AR: variants seen among roughly 807,000 people sequenced by gnomAD.
AR encodes the protein androgen receptor.
In AR, 8 loss-of-function variants were observed where a neutral mutation model predicts 53.9. The observed-to-expected ratio is 0.15, with a 90% confidence interval of 0.09 to 0.27. The LOEUF (loss-of-function observed/expected upper bound fraction) is 0.27. Among genes scored for constraint, AR ranks in the 10% least tolerant of loss-of-function variants. AR has a pLI of 1.00. For synonymous variants in AR, 359 were observed against 316.4 expected, an observed-to-expected ratio of 1.13 and a Z score of -1.43; for missense variants, 639 against 742.5, an observed-to-expected ratio of 0.86 and a Z score of 1.62.
chrX:67,589,054 G>A (rs550548645), intron 1 of AR, among the ~76,000 whole-genome samples: 14 of 112,608 alleles, frequency 1.2e-4, no homozygotes, highest in African/African-American at 4.5e-4. Context: ...GGCACATACA[G>A]CAAGTCTTCA....
intron 1 of AR, among the ~76,000 whole-genome samples, chrX:67,593,345 CTTTTCTTTTTTTTT>C (rs966812548): frequency 1.2e-4 from 13 of 107,970 alleles, no homozygotes; most frequent in African/African-American, 3.3e-4. Context: ...AATAAGTTTT[CTTTTCTTTTTTTTT>C]TTTTCTTTTT....
intron 1 of AR, among the ~76,000 whole-genome samples, chrX:67,635,225 A>ATG (rs771740650): frequency 2.9e-3 from 321 of 111,521 alleles, no homozygotes; most frequent in African/African-American, 9.9e-3. Context: ...GGGCTTTTAC[A>ATG]TGTTATTTAA....
intron 3 of AR, among the ~76,000 whole-genome samples, chrX:67,689,926 G>A (rs1362830909): frequency 1.8e-5 from 2 of 111,583 alleles, no homozygotes; most frequent in African/African-American, 6.5e-5. Flanking sequence ...ATAAAGAAGT[G>A]CCCTTCCTGC....
intron 3 of AR, among the ~76,000 whole-genome samples, chrX:67,708,376 G>T (rs747358572): frequency 1.8e-5 from 2 of 110,627 alleles, no homozygotes; most frequent in African/African-American, 6.6e-5. Context: ...TTCTCTTCTC[G>T]CTTCATTTCA....
intron 1 of AR, among the ~76,000 whole-genome samples, chrX:67,563,713 C>T (rs1409993255): frequency 1.8e-5 from 2 of 112,008 alleles, no homozygotes; most frequent in Non-Finnish European, 3.8e-5. Context: ...AGTTACTTCC[C>T]TCAGCCCAGC....
At chrX:67,562,025 C>T (rs1602156630) in intron 1 of AR, among the ~76,000 whole-genome samples, 3 of 101,723 alleles carry the variant, frequency 2.9e-5, no homozygotes, top group Admixed American at 1.1e-4. Flanking sequence ...ACTGCAACCT[C>T]GCCTCCCGGG....
At chrX:67,687,343 A>G (rs1444615726) in intron 3 of AR, among the ~76,000 whole-genome samples, 2 of 112,128 alleles carry the variant, frequency 1.8e-5, no homozygotes, top group Admixed American at 1.9e-4. Context: ...AGTATTATTT[A>G]AACAGAACAA....
chrX:67,615,303 C>T (rs1924068292), intron 1 of AR, among the ~76,000 whole-genome samples: 1 of 110,293 alleles, frequency 9.1e-6, no homozygotes, highest in South Asian at 3.8e-4. Flanking sequence ...ATATTGGAGT[C>T]AAATATAAAG....
chrX:67,576,562 G>A (rs1327569936), intron 1 of AR, among the ~76,000 whole-genome samples: 2 of 111,253 alleles, frequency 1.8e-5, no homozygotes, highest in African/African-American at 6.5e-5. Context: ...AGCACAGAAA[G>A]GAAGAAAGAC....
chrX:67,546,881 C>A, intron 1 of AR, 119 bp downstream of exon 1: 1 of 839,112 alleles, frequency 1.2e-6, no homozygotes, highest in Non-Finnish European at 1.7e-6. Flanking sequence ...GAGAGCTCAG[C>A]AGGGTAAACC....
intron 2 of AR, among the ~76,000 whole-genome samples, chrX:67,659,287 T>C (rs1193008555): frequency 9.0e-6 from 1 of 110,525 alleles, no homozygotes; most frequent in Non-Finnish European, 1.9e-5. Context: ...TACATATGTA[T>C]ACATGTGCCA....
chrX:67,572,828 G>A (rs1014554347), intron 1 of AR, among the ~76,000 whole-genome samples: 1 of 111,784 alleles, frequency 8.9e-6, no homozygotes, highest in Non-Finnish European at 1.9e-5. Context: ...ACATATACAA[G>A]TCAGCATTTT....
chrX:67,576,610 C>T (rs745820482), intron 1 of AR, among the ~76,000 whole-genome samples: 14 of 111,213 alleles, frequency 1.3e-4, no homozygotes, highest in African/African-American at 4.6e-4. Flanking sequence ...CACTTATCCA[C>T]GTTTGGATAC....
At chrX:67,686,897 A>T (rs1169157167) in intron 3 of AR, among the ~76,000 whole-genome samples, 3 of 110,681 alleles carry the variant, frequency 2.7e-5, no homozygotes, top group Non-Finnish European at 5.7e-5. Context: ...CAGTTGATTG[A>T]GACTTATATT....
chrX:67,631,305 A>G (rs748963795), intron 1 of AR, among the ~76,000 whole-genome samples: 1 of 111,368 alleles, frequency 9.0e-6, no homozygotes, highest in East Asian at 2.8e-4. Flanking sequence ...GTCTTTTCCC[A>G]TAGTCCCATA....
chrX:67,643,398 G>A lies in AR; in HGVS notation c.1759G>A (p.Ala587Thr), dbSNP rs2147436695. The change falls in exon 2 of 8, where the codon GCC becomes ACC. Residue 587 changes from alanine to threonine, a missense_variant. By Grantham distance (58) the Ala-to-Thr change is moderately conservative. Transcript: ENST00000374690. The part of the protein sequence containing the change: ...CGSCKVFFKR[A>T]AEGKQKYLCA... ...AAGCTGCAAGGTCTTCTTCAAAAGA[G>A]CCGCTGAAGGTAAAGGGTCTTGCAC... The A allele has an allele frequency of 4.1e-6, 5 of 1,209,155 alleles. No homozygotes were observed. The highest frequency in any genetic ancestry group is 4.5e-6 in the Non-Finnish European group (4 of 894,256).
intron 1 of AR, among the ~76,000 whole-genome samples, chrX:67,552,163 A>G (rs1930021753): frequency 8.9e-6 from 1 of 111,969 alleles, no homozygotes; most frequent in African/African-American, 3.2e-5. Flanking sequence ...AGGAAACCCT[A>G]TGCACCTTTG....
intron 1 of AR, among the ~76,000 whole-genome samples, chrX:67,562,134 A>C (rs190761335): frequency 1.2e-4 from 13 of 106,970 alleles, no homozygotes; most frequent in Admixed American, 1.2e-3. Context: ...TTATTTCTTT[A>C]TTTATTTTAG....
Position 67,724,110 on chromosome X carries a change from GTGT to G in AR, c.*273_*275del. 2.6e-6 allele frequency: 1 copy of G among 382,951 alleles called. No homozygotes were observed. The highest frequency in any genetic ancestry group is 4.6e-6 in the Non-Finnish European group (1 of 218,473). 31.6% of individuals were successfully genotyped at this position (382,951 alleles called of 1,213,427 possible). ...GTGGCTCCTATCTGTGTTTTGAATG[GTGT>G]TGTATGCCTTTAAATCTGTGATGAT... On this transcript the variant is annotated 3_prime_UTR_variant, in exon 8 of 8. Coordinates refer to ENST00000374690, the MANE Select transcript of AR (RefSeq NM_000044.6).
Sources: allele counts gnomAD v4.1 joint callset (sites outside exome capture counted in the v4.1 genomes callset), GRCh38; gene constraint gnomAD v4.1.1; transcripts MANE v1.5; gene names NCBI Gene and HGNC (gene_info 2026-07-23, HGNC 2026-07-21).